Variants in SEMA5A observed in about 807,000 individuals in gnomAD.
SEMA5A encodes semaphorin-5A.
SEMA5A carries 55 observed loss-of-function variants against 135.5 expected under a neutral mutation model. The ratio of observed to expected loss-of-function variants is 0.41; its 90% CI spans 0.33 to 0.51. The LOEUF (loss-of-function observed/expected upper bound fraction) is 0.51, where lower values mean the gene tolerates loss of function less well. SEMA5A is among the 20% of genes least tolerant of loss of function. The pLI is 0.37. For missense variants in SEMA5A, 1,290 were observed against 1,419.9 expected (o/e 0.91, Z 1.47); for synonymous variants, 580 against 546.5 (o/e 1.06, Z -0.85).
At chr5:9,074,370 C>T (rs1737931677) in intron 16 of SEMA5A, among the ~76,000 whole-genome samples, 1 of 152,100 alleles carries the variant, frequency 6.6e-6, no homozygotes, top group South Asian at 2.1e-4. Context: ...AGCCCAATAT[C>T]TAAAACCAAA....
At chr5:9,426,581 C>T (rs1458318328) in intron 2 of SEMA5A, among the ~76,000 whole-genome samples, 1 of 152,040 alleles carries the variant, frequency 6.6e-6, no homozygotes, top group Non-Finnish European at 1.5e-5. Flanking sequence ...ACCGCAGGCC[C>T]GTGGAGGTGA....
chr5:9,065,751 C>T (rs185651260), intron 17 of SEMA5A, among the ~76,000 whole-genome samples: 187 of 152,306 alleles, frequency 1.2e-3, no homozygotes, highest in African/African-American at 4.1e-3. Context: ...TAAGGACCAC[C>T]AGGCTCAATT....
chr5:9,276,335 C>G (rs1474268191), intron 5 of SEMA5A, among the ~76,000 whole-genome samples: 1 of 152,172 alleles, frequency 6.6e-6, no homozygotes, highest in African/African-American at 2.4e-5. Flanking sequence ...GAAAAACATT[C>G]CATGCTCATG....
intron 1 of SEMA5A, among the ~76,000 whole-genome samples, chr5:9,467,443 T>C (rs189547247): frequency 6.9e-4 from 105 of 152,308 alleles, no homozygotes; most frequent in Middle Eastern, 3.4e-3. Flanking sequence ...GATGAGCCTT[T>C]GCTTATTCCC....
At chr5:9,472,988 G>A (rs1411227861) in intron 1 of SEMA5A, among the ~76,000 whole-genome samples, 1 of 150,220 alleles carries the variant, frequency 6.7e-6, no homozygotes, top group Non-Finnish European at 1.5e-5. Context: ...CATGTACGTA[G>A]CATTATTCAT....
chr5:9,188,206 C>G (rs548724846), intron 11 of SEMA5A, among the ~76,000 whole-genome samples: 1 of 152,146 alleles, frequency 6.6e-6, no homozygotes, highest in Non-Finnish European at 1.5e-5. Context: ...AACTAGCAGG[C>G]AGCCATCTGC....
At chr5:9,368,303 A>T (rs1754998959) in intron 3 of SEMA5A, among the ~76,000 whole-genome samples, 1 of 152,212 alleles carries the variant, frequency 6.6e-6, no homozygotes, top group African/African-American at 2.4e-5. Flanking sequence ...TAACAAACTC[A>T]GGCTATTTCT....
chr5:9,308,805 C>T (rs988015714), intron 5 of SEMA5A, among the ~76,000 whole-genome samples: 4 of 152,064 alleles, frequency 2.6e-5, no homozygotes, highest in Non-Finnish European at 4.4e-5. Context: ...AACTCCTCTG[C>T]TGTTGAATAT....
intron 13 of SEMA5A, among the ~76,000 whole-genome samples, chr5:9,128,168 G>A (rs1386096513): frequency 1.3e-5 from 2 of 152,196 alleles, no homozygotes; most frequent in Non-Finnish European, 2.9e-5. Flanking sequence ...GAGGGAGGAG[G>A]AATCTGTGGT....
chr5:9,516,128 G>A (rs1346982192), intron 1 of SEMA5A, among the ~76,000 whole-genome samples: 1 of 152,146 alleles, frequency 6.6e-6, no homozygotes, highest in East Asian at 1.9e-4. Context: ...AGGCACTGCT[G>A]AGTCCAATGT....
intron 5 of SEMA5A, among the ~76,000 whole-genome samples, chr5:9,249,927 T>G (rs1012756426): frequency 6.6e-6 from 1 of 152,190 alleles, no homozygotes; most frequent in Non-Finnish European, 1.5e-5. Flanking sequence ...TGGAGAGGTC[T>G]CTGGCTACAC....
intron 11 of SEMA5A, among the ~76,000 whole-genome samples, chr5:9,169,153 CA>C (rs1743774688): frequency 6.6e-6 from 1 of 151,900 alleles, no homozygotes; most frequent in African/African-American, 2.4e-5. Context: ...GTCCTTACCA[CA>C]AGAAAAAAGC....
At chr5:9,233,883 T>G (rs1023642589) in intron 6 of SEMA5A, among the ~76,000 whole-genome samples, 1 of 151,934 alleles carries the variant, frequency 6.6e-6, no homozygotes, top group Non-Finnish European at 1.5e-5. Flanking sequence ...AAATGCATTA[T>G]GTGCAGAAGC....
At chr5:9,328,020 TCA>T (rs1327028025) in intron 4 of SEMA5A, among the ~76,000 whole-genome samples, 1 of 152,224 alleles carries the variant, frequency 6.6e-6, no homozygotes, top group Non-Finnish European at 1.5e-5. Flanking sequence ...TAGGTTATCT[TCA>T]GTATTCATAC....
intron 5 of SEMA5A, among the ~76,000 whole-genome samples, chr5:9,314,191 G>GA (rs1752290095): frequency 6.6e-6 from 1 of 152,106 alleles, no homozygotes; most frequent in African/African-American, 2.4e-5. Flanking sequence ...ATTTGTGGTA[G>GA]AAAACCATCT....
At chr5:9,078,537 G>C (rs1158875954) in intron 16 of SEMA5A, among the ~76,000 whole-genome samples, 1 of 149,618 alleles carries the variant, frequency 6.7e-6, no homozygotes, top group Non-Finnish European at 1.5e-5. Flanking sequence ...AAAAAAAAAA[G>C]TGGCAAATAT....
intron 2 of SEMA5A, among the ~76,000 whole-genome samples, chr5:9,399,430 G>A (rs1430865200): frequency 6.6e-6 from 1 of 152,176 alleles, no homozygotes; most frequent in Non-Finnish European, 1.5e-5. Flanking sequence ...CGTAGAGACA[G>A]AATATAGATT....
intron 1 of SEMA5A, among the ~76,000 whole-genome samples, chr5:9,513,720 C>T (rs975636640): frequency 5.9e-5 from 9 of 152,180 alleles, no homozygotes; most frequent in African/African-American, 2.2e-4. Context: ...GCCCCAGAGT[C>T]GACTTCAGAA....
chr5:9,480,100 C>G (rs908241296), intron 1 of SEMA5A, among the ~76,000 whole-genome samples: 9 of 151,820 alleles, frequency 5.9e-5, no homozygotes, highest in Non-Finnish European at 1.3e-4. Flanking sequence ...GGACATTCAC[C>G]AGCATCCTTG....
Sources: allele counts gnomAD v4.1 joint callset (sites outside exome capture counted in the v4.1 genomes callset), GRCh38; gene constraint gnomAD v4.1.1; transcripts MANE v1.5; gene names NCBI Gene and HGNC (gene_info 2026-07-23, HGNC 2026-07-21).